NCAM2: variants seen among roughly 807,000 people sequenced by gnomAD.
NCAM2 encodes the protein neural cell adhesion molecule 2.
NCAM2 carries 30 observed loss-of-function variants against 98.1 expected under a neutral mutation model. The ratio of observed to expected loss-of-function variants is 0.31; its 90% confidence interval spans 0.23 to 0.41. NCAM2 has a LOEUF of 0.41. Ranked by LOEUF, NCAM2 falls within the 10% of genes least tolerant of loss-of-function variation. The probability of loss-of-function intolerance (pLI) is 1.00; values close to 1 mark genes in which losing one functional copy is unlikely to be tolerated. For synonymous variants in NCAM2, 368 were observed against 342.4 expected, an observed-to-expected ratio of 1.07 and a Z score of -0.83; for missense variants, 867 against 1,005.8, an observed-to-expected ratio of 0.86 and a Z score of 1.87.
intron 1 of NCAM2, among the ~76,000 whole-genome samples, chr21:21,198,390 G>C (rs969149794): frequency 1.3e-5 from 2 of 152,098 alleles, no homozygotes; most frequent in African/African-American, 4.8e-5. Flanking sequence ...GTTCTTTCAA[G>C]TTGGCCGGAA....
In NCAM2 at chr21:21,538,929, T is replaced by A. The variant is rs1249690324; in HGVS notation, c.*972T>A. The A allele has an allele frequency of 6.6e-6, 1 of 152,128 alleles. No homozygotes were observed. Among genetic ancestry groups the A allele is most frequent in the African/African-American group, 2.4e-5 (1 of 41,444 alleles). The allele number at this position is 152,128 out of a possible 1,614,324, so 9.4% of individuals were successfully genotyped here. ...TTTTATATAATCTTTAAGAACTAAT[T>A]TTACCACTGTTATAGGTTCACCATT... is the stretch of plus-strand genomic sequence containing the variant. On this transcript the variant is annotated 3_prime_UTR_variant, in exon 18 of 18. Coordinates refer to ENST00000400546, the MANE Select transcript of NCAM2 (RefSeq NM_004540.5).
At chr21:21,167,697 T>G (rs1314489879) in intron 1 of NCAM2, among the ~76,000 whole-genome samples, 1 of 152,194 alleles carries the variant, frequency 6.6e-6, no homozygotes, top group Non-Finnish European at 1.5e-5. Context: ...AAAAATTATC[T>G]GCTTACGAAT....
chr21:21,166,230 C>T (rs543919749), intron 1 of NCAM2, among the ~76,000 whole-genome samples: 37 of 152,210 alleles, frequency 2.4e-4, no homozygotes, highest in Middle Eastern at 3.4e-3. Flanking sequence ...TTTTTTGAGA[C>T]GGAGTCTCGC....
intron 15 of NCAM2, among the ~76,000 whole-genome samples, chr21:21,494,198 T>C (rs1331303470): frequency 1.3e-5 from 2 of 151,990 alleles, no homozygotes; most frequent in African/African-American, 4.8e-5. Context: ...AGGAATTTTA[T>C]ATTGGAGAAA....
rs4818604 is a variant in NCAM2, at chr21:21,142,535, G to A, written c.56-138043G>A. On this transcript the variant is annotated intron_variant, in intron 1 of 17. Coordinates refer to ENST00000400546, the MANE Select transcript of NCAM2 (RefSeq NM_004540.5). Reference sequence around the variant, plus strand: ...CTGGGACTACAGGCGTCCGCCACCAGGCCTGGCTAATTTTTTTGTATTTTT... The same window carrying A: ...CTGGGACTACAGGCGTCCGCCACCAAGCCTGGCTAATTTTTTTGTATTTTT... Among the ~76,000 whole-genome samples, 5 of 151,350 alleles carry A rather than the reference G, an allele frequency of 3.3e-5. No homozygotes were observed. The East Asian group carries it at 7.8e-4, about 24-fold the overall frequency.
chr21:21,277,205 A>G (rs1271373126), intron 1 of NCAM2, among the ~76,000 whole-genome samples: 1 of 152,142 alleles, frequency 6.6e-6, no homozygotes. Flanking sequence ...TAACTAGCAC[A>G]TGATAAGCTC....
chr21:21,327,850 T>C (rs1312905973), intron 6 of NCAM2, among the ~76,000 whole-genome samples: 1 of 152,096 alleles, frequency 6.6e-6, no homozygotes, highest in Admixed American at 6.5e-5. Context: ...AAGACCATAA[T>C]AGGGGAATTA....
chr21:21,451,454 A>G (rs1433889822), intron 12 of NCAM2, among the ~76,000 whole-genome samples: 2 of 152,138 alleles, frequency 1.3e-5, no homozygotes, highest in Non-Finnish European at 2.9e-5. Context: ...CCTTCATTCT[A>G]CTTACCAAGA....
At chr21:21,286,709 C>A (rs941856812) in intron 4 of NCAM2, among the ~76,000 whole-genome samples, 34 of 151,722 alleles carry the variant, frequency 2.2e-4, no homozygotes, top group Non-Finnish European at 8.8e-5. Flanking sequence ...AATATACAAT[C>A]ATTAGCCTAA....
chr21:21,100,995 C>T (rs1466348326), intron 1 of NCAM2, among the ~76,000 whole-genome samples: 1 of 145,400 alleles, frequency 6.9e-6, no homozygotes, highest in East Asian at 2.1e-4. Context: ...CAATTGTATT[C>T]CCCAAATGAA....
chr21:21,300,041 C>T (rs751718262), intron 5 of NCAM2, among the ~76,000 whole-genome samples: 3 of 151,792 alleles, frequency 2.0e-5, no homozygotes, highest in African/African-American at 4.8e-5. Flanking sequence ...ATTTTTATTG[C>T]TGTATTGGTA....
intron 17 of NCAM2, among the ~76,000 whole-genome samples, chr21:21,536,193 C>A (rs1488961238): frequency 6.6e-6 from 1 of 151,888 alleles, no homozygotes; most frequent in East Asian, 1.9e-4. Flanking sequence ...TCATTCCCAG[C>A]AATGGATATT....
At chr21:21,411,123 T>TATATACAC (rs1569033653) in intron 10 of NCAM2, among the ~76,000 whole-genome samples, 2 of 60,802 alleles carry the variant, frequency 3.3e-5, no homozygotes, top group African/African-American at 6.1e-5. Context: ...TATATATATA[T>TATATACAC]ACACATATAT....
chr21:21,335,394 T>C, intron 6 of NCAM2, 111 bp from the exon 7 acceptor site: 1 of 718,124 alleles, frequency 1.4e-6, no homozygotes, highest in Non-Finnish European at 2.1e-6. Flanking sequence ...GCCCTGTCTT[T>C]CAATGATGAT....
At chr21:21,431,413 A>G (rs921334083) in intron 11 of NCAM2, among the ~76,000 whole-genome samples, 1 of 151,938 alleles carries the variant, frequency 6.6e-6, no homozygotes, top group Non-Finnish European at 1.5e-5. Context: ...TGTCCACCTA[A>G]GATACCTTAT....
chr21:21,054,536 A>G (rs1384472383), intron 1 of NCAM2, among the ~76,000 whole-genome samples: 1 of 152,044 alleles, frequency 6.6e-6, no homozygotes, highest in Non-Finnish European at 1.5e-5. Context: ...AATATCTATC[A>G]AGATGTATTG....
At chr21:21,464,421 T>G (rs1602418337) in intron 12 of NCAM2, among the ~76,000 whole-genome samples, 1 of 152,276 alleles carries the variant, frequency 6.6e-6, no homozygotes. Context: ...GCTTTTGCTT[T>G]TAAAAATATT....
chr21:21,066,415 T>C (rs532596435), intron 1 of NCAM2, among the ~76,000 whole-genome samples: 2 of 149,248 alleles, frequency 1.3e-5, no homozygotes, highest in Admixed American at 1.4e-4. Flanking sequence ...TTTTATAACA[T>C]ATACACACAC....
At chr21:21,444,731 T>A (rs1231277008) in intron 12 of NCAM2, among the ~76,000 whole-genome samples, 1 of 152,192 alleles carries the variant, frequency 6.6e-6, no homozygotes, top group Admixed American at 6.5e-5. Context: ...TCTTTTCTTC[T>A]TTATTAGACT....
Sources: allele counts gnomAD v4.1 joint callset (sites outside exome capture counted in the v4.1 genomes callset), GRCh38; gene constraint gnomAD v4.1.1; transcripts MANE v1.5; gene names NCBI Gene and HGNC (gene_info 2026-07-23, HGNC 2026-07-21).